Variants in TXNL1 observed in about 807,000 individuals in gnomAD.
TXNL1 encodes the protein thioredoxin-like protein 1.
TXNL1 carries 14 observed loss-of-function variants against 35.5 expected under a neutral mutation model. The ratio of observed to expected loss-of-function variants is 0.39; its 90% CI spans 0.26 to 0.62. The LOEUF (loss-of-function observed/expected upper bound fraction) is 0.62. Ranked by LOEUF, TXNL1 falls within the 20% of genes least tolerant of loss-of-function variation. The probability of loss-of-function intolerance (pLI) is 0.47; values close to 1 mark genes in which losing one functional copy is unlikely to be tolerated. For missense variants in TXNL1, 263 were observed against 349.7 expected (o/e 0.75, Z 1.98); for synonymous variants, 110 against 115.5 (o/e 0.95, Z 0.31).
intron 3 of TXNL1, among the ~76,000 whole-genome samples, chr18:56,623,256 C>T (rs964337772): frequency 4.6e-5 from 7 of 152,138 alleles, no homozygotes; most frequent in East Asian, 1.9e-4. Context: ...GGTGAAACCT[C>T]GTCTCTACGA....
rs966990392 is a variant in TXNL1, at chr18:56,633,339, C to T, written c.98+5004G>A. Among the ~76,000 whole-genome samples, 180 of 150,288 alleles carry T rather than the reference C, an allele frequency of 1.2e-3. 1 individual carries two copies. The highest frequency in any genetic ancestry group is 4.1e-3 in the African/African-American group (166 of 40,834). ...GCGGGCACCTGTAGTCCCAGCTACT[C>T]GGGAGGCTGAGGCAGGAGAATGGCG... On this transcript the variant is annotated intron_variant, in intron 1 of 7. Coordinates refer to ENST00000217515, the MANE Select transcript of TXNL1 (RefSeq NM_004786.3).
intron 1 of TXNL1, 143 bp downstream of exon 1, chr18:56,638,200 G>C: frequency 1.2e-6 from 1 of 800,520 alleles, no homozygotes; most frequent in East Asian, 3.1e-5. Context: ...GAGAAACGAG[G>C]CCTAATTCCG....
intron 2 of TXNL1, among the ~76,000 whole-genome samples, chr18:56,625,464 C>T (rs2024261862): frequency 6.6e-6 from 1 of 152,092 alleles, no homozygotes; most frequent in East Asian, 1.9e-4. Flanking sequence ...ACTTTCCGTA[C>T]ATATCAATAT....
At chr18:56,616,357 C>A (rs182332416) in intron 4 of TXNL1, 43 bp from the exon 5 acceptor site, 1 of 1,506,214 alleles carries the variant, frequency 6.6e-7, no homozygotes, top group Non-Finnish European at 9.1e-7. Context: ...CTTGTACACA[C>A]CTTGAGTACA....
At position 56,601,669 on chromosome 18, in the gene TXNL1, T is replaced by A. The variant is rs1375521888; in HGVS notation, c.*1358A>T. On this transcript the variant is annotated 3_prime_UTR_variant, in exon 8 of 8. Transcript: ENST00000217515. The stretch of plus-strand genomic sequence containing the variant: ...TCTGTAGAATTTTTTCATAAACAAG[T>A]ATAAACACACTGCTCTCACAAAGGC... 1 of 152,148 alleles carries A rather than the reference T, an allele frequency of 6.6e-6. No homozygotes were observed. The highest frequency in any genetic ancestry group is 1.5e-5 in the Non-Finnish European group (1 of 68,016). The allele number at this position is 152,148 out of a possible 1,614,324, so 9.4% of individuals were successfully genotyped here.
chr18:56,622,828 A>G (rs2024210517), intron 3 of TXNL1, among the ~76,000 whole-genome samples: 1 of 152,204 alleles, frequency 6.6e-6, no homozygotes. Context: ...AAACTGTCCA[A>G]AAGATGTAAC....
At position 56,638,323 on chromosome 18, in the gene TXNL1, G is replaced by C. The variant is rs773375345; in HGVS notation, c.98+20C>G. On this transcript the variant is annotated intron_variant, in intron 1 of 7. Transcript: ENST00000217515. ...AAGGAAGGACAGACGGGGACCCACAGAGCTCGAGCCTGGCCTCACCCTCTC... is the reference window on the plus strand; with the variant it reads ...AAGGAAGGACAGACGGGGACCCACACAGCTCGAGCCTGGCCTCACCCTCTC... 45 of 1,599,620 alleles carry C rather than the reference G, an allele frequency of 2.8e-5. No individual in the cohort carries two copies. The South Asian group carries it at 4.8e-4, about 17-fold the overall frequency.
intron 4 of TXNL1, among the ~76,000 whole-genome samples, chr18:56,616,909 G>A (rs564296150): frequency 3.3e-5 from 5 of 152,280 alleles, no homozygotes; most frequent in East Asian, 1.9e-4. Context: ...TTCTCTCTCC[G>A]AAACTCTTCT....
chr18:56,598,900 G>A lies in TXNL1; in HGVS notation c.*4127C>T, dbSNP rs953792716. On this transcript the variant is annotated 3_prime_UTR_variant, in exon 8 of 8. Transcript: ENST00000217515. ...CAGGGATTCAAACTTCAGAGATTTT[G>A]CTCCTAGGTAGTATGATGAGCCAGT... 5 of 152,148 alleles carry A rather than the reference G, an allele frequency of 3.3e-5. No individual in the cohort carries two copies. Among genetic ancestry groups the A allele is most frequent in the Non-Finnish European group, 7.4e-5 (5 of 68,022 alleles). The allele number at this position is 152,148 out of a possible 1,614,324, so 9.4% of individuals were successfully genotyped here. A position where few individuals can be genotyped will look rare whatever the true frequency, so the allele number is the denominator to read the frequency against.
rs1279049036 is a variant in TXNL1, at chr18:56,615,476, G to GC, written c.562+768_562+769insG. On this transcript the variant is annotated intron_variant, in intron 5 of 7. Transcript: ENST00000217515. The stretch of plus-strand genomic sequence containing the variant: ...TTAACAGAAAAAGAAAAAATGGGGG[G>GC]GGGCAAAAAAGGAAAATTCTTTATT... Among the ~76,000 whole-genome samples the GC allele has an allele frequency of 2.0e-5, 3 of 149,116 alleles. No individual in the cohort carries two copies. The South Asian group carries it at 6.5e-4, about 32-fold the overall frequency.
At chr18:56,623,265 G>A (rs2024219468) in intron 3 of TXNL1, among the ~76,000 whole-genome samples, 1 of 151,744 alleles carries the variant, frequency 6.6e-6, no homozygotes, top group African/African-American at 2.4e-5. Context: ...TCGTCTCTAC[G>A]AAAAATACAA....
rs2023779334 is a variant in TXNL1, at chr18:56,599,239, A to G, written c.*3788T>C. 1 of 151,930 alleles carries G rather than the reference A, an allele frequency of 6.6e-6. No individual in the cohort carries two copies. The highest frequency in any genetic ancestry group is 1.5e-5 in the Non-Finnish European group (1 of 68,008). 9.4% of individuals were successfully genotyped at this position (151,930 alleles called of 1,614,324 possible). Reference sequence around the variant, plus strand: ...TTAAAAGCGATCTTATTAGCCTACAAATCTCCACTGTCCTCTTATTCCTAT... The same window carrying G: ...TTAAAAGCGATCTTATTAGCCTACAGATCTCCACTGTCCTCTTATTCCTAT... On this transcript the variant is annotated 3_prime_UTR_variant, in exon 8 of 8. Coordinates refer to ENST00000217515, the MANE Select transcript of TXNL1 (RefSeq NM_004786.3).
intron 1 of TXNL1, among the ~76,000 whole-genome samples, chr18:56,632,142 C>A (rs971345840): frequency 5.3e-5 from 8 of 152,096 alleles, no homozygotes; most frequent in Non-Finnish European, 8.8e-5. Flanking sequence ...ACACTTTTTA[C>A]TACAGTCATA....
intron 1 of TXNL1, among the ~76,000 whole-genome samples, chr18:56,632,446 CAT>C (rs2024387599): frequency 6.6e-6 from 1 of 152,028 alleles, no homozygotes; most frequent in Non-Finnish European, 1.5e-5. Context: ...TTCACAAACT[CAT>C]GTCACCTCAT....
At chr18:56,618,793 T>A (rs2024132195) in intron 3 of TXNL1, among the ~76,000 whole-genome samples, 1 of 151,988 alleles carries the variant, frequency 6.6e-6, no homozygotes, top group Non-Finnish European at 1.5e-5. Flanking sequence ...ATTATCACAA[T>A]CAATAATTCC....
At chr18:56,611,298 G>A (rs1410159780) in intron 6 of TXNL1, among the ~76,000 whole-genome samples, 1 of 151,988 alleles carries the variant, frequency 6.6e-6, no homozygotes, top group South Asian at 2.1e-4. Context: ...TCAGGAGTTC[G>A]AGACCAGCCT....
At chr18:56,604,863 T>C (rs966212686) in intron 7 of TXNL1, among the ~76,000 whole-genome samples, 1 of 152,216 alleles carries the variant, frequency 6.6e-6, no homozygotes, top group Non-Finnish European at 1.5e-5. Flanking sequence ...GCAACTGCTA[T>C]ATTTGTTTTC....
At chr18:56,624,834 C>T (rs749411007) in intron 2 of TXNL1, among the ~76,000 whole-genome samples, 5 of 151,986 alleles carry the variant, frequency 3.3e-5, no homozygotes, top group Non-Finnish European at 7.4e-5. Context: ...CAACACAAAC[C>T]ACTGCTACTA....
At chr18:56,630,874 A>T (rs956619838) in intron 1 of TXNL1, among the ~76,000 whole-genome samples, 2 of 151,204 alleles carry the variant, frequency 1.3e-5, no homozygotes, top group Non-Finnish European at 3.0e-5. Context: ...ATTCAAATAA[A>T]TCGATCATTT....
Sources: gnomAD v4.1 joint callset for allele counts (sites outside exome capture counted in the v4.1 genomes callset) on GRCh38, gnomAD v4.1.1 for gene constraint, MANE v1.5 for transcripts, NCBI Gene and HGNC (gene_info 2026-07-23, HGNC 2026-07-21) for gene names.